Variants in BTD observed in about 807,000 individuals in gnomAD.
The protein encoded by BTD is biocytinase.
In BTD, 13 loss-of-function variants were observed where a neutral mutation model predicts 17.7. The ratio of observed to expected loss-of-function variants is 0.74; its 90% CI spans 0.48 to 1.17. BTD has a LOEUF of 1.17. Ranked by LOEUF, BTD falls within the 50% of genes most tolerant of loss-of-function variation. The pLI is 0.00. For synonymous variants in BTD, 240 were observed against 245.2 expected (o/e 0.98, Z 0.20); for missense variants, 674 against 650.4 (o/e 1.04, Z -0.39).
chr3:15,703,248 T>C lies in BTD; in HGVS notation c.400-6812T>C, dbSNP rs567424392. ...CCTCTACACACAAAAAACTGCATGA[T>C]CCCATTTTTATGAAGTTTGAAAACA... On this transcript the variant is annotated intron_variant, in intron 3 of 3. Coordinates refer to the BTD transcript ENST00000672141. 2.2e-3 allele frequency among the ~76,000 whole-genome samples: 334 copies of C among 152,308 alleles called. 1 individual carries two copies. Among genetic ancestry groups the C allele is most frequent in the Non-Finnish European group, 3.1e-3 (209 of 68,016 alleles).
intron 3 of BTD, among the ~76,000 whole-genome samples, chr3:15,678,802 G>A (rs1030227504): frequency 6.6e-6 from 1 of 151,900 alleles, no homozygotes; most frequent in African/African-American, 2.4e-5. Flanking sequence ...GTTTAAAGGA[G>A]GAAAACTTCC....
intron 3 of BTD, among the ~76,000 whole-genome samples, chr3:15,686,906 T>C (rs574739541): frequency 6.6e-5 from 10 of 151,542 alleles, no homozygotes; most frequent in Non-Finnish European, 1.5e-4. Flanking sequence ...GACACCGTTG[T>C]AGAATCAACC....
At chr3:15,627,435 C>T (rs2065094890) in intron 1 of BTD, among the ~76,000 whole-genome samples, 1 of 152,080 alleles carries the variant, frequency 6.6e-6, no homozygotes, top group Non-Finnish European at 1.5e-5. Context: ...TCCATGTTGC[C>T]CAGGCTAGTT....
chr3:15,630,396 T>C lies in BTD; in HGVS notation c.-16-5028T>C, dbSNP rs550976504. 1.1e-3 allele frequency among the ~76,000 whole-genome samples: 172 copies of C among 152,288 alleles called. 1 individual carries two copies. The highest frequency in any genetic ancestry group is 4.0e-3 in the African/African-American group (165 of 41,550). ...CGGGGTTCCTTCTGTCTATAGAAAG[T>C]GAAAGACAGACTGTTATTCAAATTC... is the stretch of plus-strand genomic sequence containing the variant. On this transcript the variant is annotated intron_variant, in intron 1 of 3. Coordinates refer to ENST00000643237, the MANE Select transcript of BTD (RefSeq NM_001370658.1).
At chr3:15,634,423 G>A (rs1183131512) in intron 1 of BTD, among the ~76,000 whole-genome samples, 4 of 152,200 alleles carry the variant, frequency 2.6e-5, no homozygotes, top group Admixed American at 6.5e-5. Flanking sequence ...CTGAGAGGAC[G>A]CTTTAGCTGG....
At chr3:15,719,527 CT>C (rs1480542686) in intron 4 of BTD, among the ~76,000 whole-genome samples, 1 of 152,070 alleles carries the variant, frequency 6.6e-6, no homozygotes, top group Admixed American at 6.6e-5. Flanking sequence ...ATTGCATGTG[CT>C]CTCTTATAAA....
rs751565279 is a variant in BTD, at chr3:15,711,278, C to T, written c.*1204C>T. ...TCTGGGGTATCTATATCAAATCCTA[C>T]AAGAATGAATACATCTTATTTATAA... On this transcript the variant is annotated 3_prime_UTR_variant, in exon 4 of 4. Coordinates refer to the BTD transcript ENST00000672141. The T allele has an allele frequency of 1.0e-5, 16 of 1,606,110 alleles. No homozygotes were observed. In the East Asian group the frequency reaches 3.6e-4, roughly 36 times the overall value.
At chr3:15,609,308 C>T (rs2064548883) in intron 1 of BTD, among the ~76,000 whole-genome samples, 1 of 152,240 alleles carries the variant, frequency 6.6e-6, no homozygotes, top group African/African-American at 2.4e-5. Context: ...TTCCCCATTA[C>T]ACCTCCTTTC....
chr3:15,713,395 A>G (rs898058898), downstream of BTD: 3 of 656,804 alleles, frequency 4.6e-6, no homozygotes, highest in African/African-American at 5.7e-5. Context: ...TGTCAATACA[A>G]AAGAAAGTTC....
chr3:15,643,261 G>A (rs550510690), intron 3 of BTD, among the ~76,000 whole-genome samples: 107 of 152,288 alleles, frequency 7.0e-4, no homozygotes, highest in Non-Finnish European at 1.2e-3. Flanking sequence ...AGCATTCTGG[G>A]AGGCCAAGGC....
chr3:15,642,009 G>A lies in BTD; in HGVS notation c.351G>A (p.Val117=). The A allele has an allele frequency of 6.2e-7, 1 of 1,614,168 alleles. No individual in the cohort carries two copies. Among genetic ancestry groups the A allele is most frequent in the Non-Finnish European group, 8.5e-7 (1 of 1,180,014 alleles). ...TGGACTTCATGCCGTCTCCCCAGGTGGTCAGGTGGAACCCATGCCTGGAGC... is the reference window on the plus strand; with the variant it reads ...TGGACTTCATGCCGTCTCCCCAGGTAGTCAGGTGGAACCCATGCCTGGAGC... The part of the protein sequence containing the change: ...PFLDFMPSPQ[V]VRWNPCLEPH... The change falls in exon 3 of 4, where the codon GTG becomes GTA. Residue 117 remains valine (V), a synonymous_variant. Transcript: ENST00000643237.
intron 1 of BTD, among the ~76,000 whole-genome samples, chr3:15,626,780 CAA>C (rs374875165): frequency 2.1e-4 from 20 of 95,004 alleles, no homozygotes; most frequent in South Asian, 3.6e-4. Context: ...GACCCTGTCT[CAA>C]AAAAAAAAAA....
downstream of BTD, chr3:15,713,680 A>T (rs762663137): frequency 7.3e-7 from 1 of 1,373,952 alleles, no homozygotes; most frequent in Admixed American, 2.2e-5. Flanking sequence ...TGGACCATAT[A>T]AAGATCAGGT....
At chr3:15,704,678 T>C (rs2071112675) in intron 3 of BTD, among the ~76,000 whole-genome samples, 1 of 152,130 alleles carries the variant, frequency 6.6e-6, no homozygotes, top group Admixed American at 6.5e-5. Context: ...TACAATTGGG[T>C]ACAATTGTAC....
chr3:15,604,261 A>G (rs547356317), intron 1 of BTD, among the ~76,000 whole-genome samples: 3 of 152,350 alleles, frequency 2.0e-5, no homozygotes, highest in East Asian at 1.9e-4. Context: ...CCAAACCTCA[A>G]TTTTTGACTT....
exon 4 of BTD, chr3:15,712,209 C>T (rs780621774): frequency 6.3e-7 from 1 of 1,581,270 alleles, no homozygotes; most frequent in East Asian, 2.3e-5. Flanking sequence ...GGGAACATTC[C>T]ATGTATGCCA....
At chr3:15,658,029 A>T (rs186088693), downstream of BTD, among the ~76,000 whole-genome samples, 2 of 152,156 alleles carry the variant, frequency 1.3e-5, no homozygotes. Context: ...TTAGCTGGGC[A>T]TGGTGGTGCA....
At chr3:15,661,810 G>A (rs184757021) in intron 3 of BTD, among the ~76,000 whole-genome samples, 1 of 152,308 alleles carries the variant, frequency 6.6e-6, no homozygotes, top group Admixed American at 6.5e-5. Context: ...TGGGAAGGAT[G>A]TAAGATCTGT....
chr3:15,634,510 A>G (rs1342168123), intron 1 of BTD, among the ~76,000 whole-genome samples: 1 of 152,218 alleles, frequency 6.6e-6, no homozygotes, highest in African/African-American at 2.4e-5. Flanking sequence ...AGAAAGAAAC[A>G]TTCCTATTCT....
Sources: allele counts gnomAD v4.1 joint callset (sites outside exome capture counted in the v4.1 genomes callset), GRCh38; gene constraint gnomAD v4.1.1; transcripts MANE v1.5; gene names NCBI Gene and HGNC (gene_info 2026-07-23, HGNC 2026-07-21).